Variants in RIMS1 observed in about 807,000 individuals in gnomAD.
RIMS1 encodes the protein regulating synaptic membrane exocytosis 1.
Under a neutral mutation model 214.1 loss-of-function variants are expected in RIMS1, and 83 were observed. That is an observed-to-expected ratio of 0.39 (90% confidence interval 0.32 to 0.47). The LOEUF is 0.47. Ranked by LOEUF, RIMS1 falls within the 20% of genes least tolerant of loss-of-function variation. The pLI is 0.99. For synonymous variants in RIMS1, 793 were observed against 786.8 expected, an observed-to-expected ratio of 1.01 and a Z score of -0.13; for missense variants, 2,050 against 2,161.8, an observed-to-expected ratio of 0.95 and a Z score of 1.03.
intron 4 of RIMS1, among the ~76,000 whole-genome samples, chr6:72,169,270 A>AGGCAT (rs2153951084): frequency 6.6e-6 from 1 of 152,344 alleles, no homozygotes; most frequent in East Asian, 1.9e-4. Context: ...TTATTCTAAT[A>AGGCAT]GGCATGCATA....
intron 2 of RIMS1, among the ~76,000 whole-genome samples, chr6:71,988,339 AT>A (rs1800631206): frequency 6.6e-6 from 1 of 151,906 alleles, no homozygotes; most frequent in African/African-American, 2.4e-5. Flanking sequence ...TGTCTATCTT[AT>A]TCTTTTCATT....
intron 2 of RIMS1, among the ~76,000 whole-genome samples, chr6:71,989,402 GC>G (rs1226061273): frequency 6.6e-6 from 1 of 152,094 alleles, no homozygotes; most frequent in African/African-American, 2.4e-5. Context: ...GATATGTGCA[GC>G]TTATTTACAA....
Position 72,233,785 on chromosome 6 carries a change from A to G in RIMS1, c.1691A>G (p.Tyr564Cys). 1.3e-6 allele frequency: 2 copies of G among 1,573,884 alleles called. No individual in the cohort carries two copies. The highest frequency in any genetic ancestry group is 1.7e-6 in the Non-Finnish European group (2 of 1,157,116). Residue 564 changes from tyrosine to cysteine, a missense_variant, in exon 7 of 34, where the codon TAT (tyrosine) becomes TGT (cysteine). By Grantham distance (194) the Tyr-to-Cys change is radical. Around this residue, in one of 6 missense-constraint regions of RIMS1, gnomAD observed 882 missense variants for 828.9 expected, o/e 1.06. Transcript: ENST00000521978. ...TTGTATTGCACAGGTGATTTGGATT[A>G]TTACTGGTTGGATCCTGCCACGTGG... ...ESVSEKGDLDYYWLDPATWHS... is the reference protein window; with the variant it reads ...ESVSEKGDLDCYWLDPATWHS...
At chr6:72,371,788 A>T (rs2098229889) in intron 29 of RIMS1, among the ~76,000 whole-genome samples, 1 of 152,184 alleles carries the variant, frequency 6.6e-6, no homozygotes, top group Non-Finnish European at 1.5e-5. Context: ...TAAGGGGCAA[A>T]GCTTTTGGTA....
At chr6:72,342,093 C>T (rs1417365353) in intron 29 of RIMS1, among the ~76,000 whole-genome samples, 4 of 151,732 alleles carry the variant, frequency 2.6e-5, no homozygotes, top group African/African-American at 9.7e-5. Flanking sequence ...TGTGCAGATC[C>T]TTTCCTTCAA....
chr6:72,050,232 G>A (rs1824248570), intron 2 of RIMS1, among the ~76,000 whole-genome samples: 1 of 152,042 alleles, frequency 6.6e-6, no homozygotes, highest in South Asian at 2.1e-4. Context: ...TTAAGAAAAT[G>A]TTTTGATTGA....
intron 22 of RIMS1, among the ~76,000 whole-genome samples, chr6:72,271,465 T>A (rs2083355222): frequency 6.6e-6 from 1 of 151,834 alleles, no homozygotes; most frequent in African/African-American, 2.4e-5. Context: ...TACCTCATAT[T>A]TTTAATTTGT....
intron 4 of RIMS1, among the ~76,000 whole-genome samples, chr6:72,118,270 G>T (rs761125311): frequency 4.0e-5 from 6 of 150,876 alleles, no homozygotes; most frequent in African/African-American, 7.3e-5. Flanking sequence ...AGTGGTATCT[G>T]CCATTATAGG....
chr6:72,240,778 G>A (rs968067113), intron 9 of RIMS1, among the ~76,000 whole-genome samples: 1 of 151,920 alleles, frequency 6.6e-6, no homozygotes, highest in Non-Finnish European at 1.5e-5. Context: ...GGAGGCTGAG[G>A]TGGGTGCATC....
chr6:72,080,851 T>A (rs12055695), intron 2 of RIMS1, among the ~76,000 whole-genome samples: 4 of 152,074 alleles, frequency 2.6e-5, no homozygotes, highest in Non-Finnish European at 2.9e-5. Flanking sequence ...ACTTACACTT[T>A]AAAAAAACAG....
chr6:72,361,100 T>C (rs868258174), intron 29 of RIMS1, among the ~76,000 whole-genome samples: 9 of 120,494 alleles, frequency 7.5e-5, no homozygotes, highest in African/African-American at 2.9e-4. Flanking sequence ...TTCTTTCTTT[T>C]TTTTTTTTTT....
rs201162159 is a variant in RIMS1, at chr6:72,026,206, T to C, written c.245+57143T>C. ...ACATTTCAAGAAAAACAGCAACATT[T>C]TATTATTTGTTCAGCATAGAGAGGC... On this transcript the variant is annotated intron_variant, in intron 2 of 33. Coordinates refer to ENST00000521978, the MANE Select transcript of RIMS1 (RefSeq NM_014989.7). 6.6e-5 allele frequency among the ~76,000 whole-genome samples: 10 copies of C among 152,196 alleles called. No homozygotes were observed. The East Asian group carries it at 1.9e-3, about 29-fold the overall frequency.
intron 33 of RIMS1, among the ~76,000 whole-genome samples, chr6:72,399,982 T>C (rs1482132752): frequency 6.6e-6 from 1 of 152,154 alleles, no homozygotes; most frequent in Non-Finnish European, 1.5e-5. Context: ...ACAATTATTT[T>C]TTGACCTACC....
At chr6:72,191,461 C>A (rs961926179) in intron 6 of RIMS1, among the ~76,000 whole-genome samples, 2 of 152,252 alleles carry the variant, frequency 1.3e-5, no homozygotes. Flanking sequence ...CTACTTCATG[C>A]TCACAGGATC....
intron 1 of RIMS1, among the ~76,000 whole-genome samples, chr6:71,888,671 G>C (rs1266458681): frequency 6.6e-6 from 1 of 152,198 alleles, no homozygotes; most frequent in Non-Finnish European, 1.5e-5. Context: ...GAGAGATGTG[G>C]CTGTTAGGTC....
Position 71,993,924 on chromosome 6 carries a change from ATTG to A in RIMS1, c.245+24865_245+24867del, listed in dbSNP as rs1802630257. Among the ~76,000 whole-genome samples the A allele has an allele frequency of 2.0e-5, 3 of 152,286 alleles. No homozygotes were observed. In the South Asian group the frequency reaches 6.2e-4, roughly 32 times the overall value. Reference sequence around the variant, plus strand: ...CACAAATTGAAGATTTTTTAATACTATTGTTGGTTAAATGAACAATGTTTAAGC... The same window carrying A: ...CACAAATTGAAGATTTTTTAATACTATTGGTTAAATGAACAATGTTTAAGC... On this transcript the variant is annotated intron_variant, in intron 2 of 33. Coordinates refer to ENST00000521978, the MANE Select transcript of RIMS1 (RefSeq NM_014989.7).
At chr6:72,011,790 T>A (rs574216803) in intron 2 of RIMS1, among the ~76,000 whole-genome samples, 6 of 152,230 alleles carry the variant, frequency 3.9e-5, no homozygotes, top group East Asian at 3.9e-4. Context: ...ATACCATCTC[T>A]TACCAGTTAG....
chr6:72,244,104 G>T (rs2068274748), intron 10 of RIMS1, among the ~76,000 whole-genome samples: 1 of 151,492 alleles, frequency 6.6e-6, no homozygotes, highest in African/African-American at 2.4e-5. Flanking sequence ...TAATGTAGTG[G>T]CATAGTGATT....
At chr6:72,011,033 C>G (rs111801179) in intron 2 of RIMS1, among the ~76,000 whole-genome samples, 1 of 151,388 alleles carries the variant, frequency 6.6e-6, no homozygotes, top group Non-Finnish European at 1.5e-5. Context: ...CAATCCTTAG[C>G]CAAAAGAACA....
Sources: gnomAD v4.1 joint callset for allele counts (sites outside exome capture counted in the v4.1 genomes callset) on GRCh38, gnomAD v4.1.1 for gene constraint, gnomAD v4.1.1 regional missense constraint, MANE v1.5 for transcripts, NCBI Gene and HGNC (gene_info 2026-07-23, HGNC 2026-07-21) for gene names.